HERC2: variants seen among roughly 807,000 people sequenced by gnomAD.
HERC2 encodes HECT and RLD domain containing E3 ubiquitin protein ligase 2, also known as E3 ubiquitin-protein ligase HERC2.
A neutral mutation model predicts 537.7 loss-of-function variants in HERC2; 102 were observed. That is an observed-to-expected ratio of 0.19 (90% CI 0.16 to 0.22). The LOEUF is 0.22. HERC2 is among the 10% of genes least tolerant of loss of function. HERC2 has a pLI of 1.00. For missense variants in HERC2, 4,236 were observed against 6,198.2 expected (o/e 0.68, Z 10.63); for synonymous variants, 2,224 against 2,466.2 (o/e 0.90, Z 2.91).
chr15:28,218,319 G>A lies in HERC2; in HGVS notation c.6028+170C>T, dbSNP rs59474042. On this transcript the variant is annotated intron_variant, in intron 38 of 92. Transcript: ENST00000261609. ...CACCCTTGATCTCAGCCTTCCAGCC[G>A]CCAGAACCGTGAGAATTTCTACTGT... is the stretch of plus-strand genomic sequence containing the variant. Among the ~76,000 whole-genome samples, 11,675 of 151,228 alleles carry A rather than the reference G, an allele frequency of 0.077. 1,560 individuals are homozygous for A. Among genetic ancestry groups the A allele is most frequent in the African/African-American group, 0.27 (11,145 of 40,644 alleles).
intron 30 of HERC2, among the ~76,000 whole-genome samples, chr15:28,232,908 C>A (rs980375375): frequency 6.6e-6 from 1 of 152,194 alleles, no homozygotes; most frequent in Non-Finnish European, 1.5e-5. Flanking sequence ...TTTTCAACAT[C>A]AATTTACTAG....
At chr15:28,200,374 G>C (rs1897785613) in intron 48 of HERC2, among the ~76,000 whole-genome samples, 1 of 151,926 alleles carries the variant, frequency 6.6e-6, no homozygotes, top group Non-Finnish European at 1.5e-5. Flanking sequence ...CAGCCTGGGT[G>C]ACAGAGCGAG....
chr15:28,280,370 G>A (rs1390296523), intron 4 of HERC2, 83 bp from the exon 5 acceptor site: 15 of 1,132,850 alleles, frequency 1.3e-5, no homozygotes, highest in African/African-American at 1.1e-4. Context: ...GGATGATGAC[G>A]ACAGGTAGTA....
At chr15:28,307,457 A>G (rs960152590) in intron 2 of HERC2, among the ~76,000 whole-genome samples, 4 of 152,168 alleles carry the variant, frequency 2.6e-5, no homozygotes, top group Non-Finnish European at 4.4e-5. Flanking sequence ...ATGTATCATT[A>G]GGTTATTTAT....
In HERC2 at chr15:28,228,257, C is replaced by A; in HGVS notation, c.5425G>T (p.Gly1809Cys). 1 of 1,613,676 alleles carries A rather than the reference C, an allele frequency of 6.2e-7. No homozygotes were observed. The highest frequency in any genetic ancestry group is 8.5e-7 in the Non-Finnish European group (1 of 1,179,872). Residue 1809 changes from glycine (G) to cysteine (C), a missense_variant, in exon 35 of 93, where the codon GGC becomes TGC. Around this residue, in one of 27 missense-constraint regions of HERC2, gnomAD observed 343 missense variants for 417.2 expected, o/e 0.82. Transcript: ENST00000261609. ...ANNLDLLLNS[G>C]MLALTQTALR... ...GCCGTCTGCGTGAGGGCCAGCATGC[C>A]GGAATTGAGCAGAAGGTCGAGGTTG... is the stretch of plus-strand genomic sequence containing the variant.
chr15:28,220,711 C>A, intron 36 of HERC2, 67 bp from the exon 37 acceptor site: 15 of 1,310,926 alleles, frequency 1.1e-5, no homozygotes, highest in Non-Finnish European at 1.6e-5. Context: ...CCATGGCTCC[C>A]AGCAGACCTC....
chr15:28,224,134 T>C (rs879628161), intron 35 of HERC2, among the ~76,000 whole-genome samples: 392 of 5,794 alleles, frequency 0.068, 2 homozygotes, highest in Non-Finnish European at 0.17. Flanking sequence ...TAAAAAATTA[T>C]ACACACACAC....
At position 28,114,445 on chromosome 15, in the gene HERC2, C is replaced by T. The variant is rs143247137; in HGVS notation, c.13913+167G>A. ...CCAGGAATGTCAGAGTAATAAATAC[C>T]GACCCTGATCACAAAATAAGCTTTA... On this transcript the variant is annotated intron_variant, in intron 90 of 92. Coordinates refer to ENST00000261609, the MANE Select transcript of HERC2 (RefSeq NM_004667.6). Among the ~76,000 whole-genome samples the T allele has an allele frequency of 2.2e-3, 328 of 152,182 alleles. 1 individual carries two copies. Among genetic ancestry groups the T allele is most frequent in the Non-Finnish European group, 2.9e-3 (199 of 68,002 alleles).
chr15:28,187,252 A>C (rs1277147926), intron 55 of HERC2, among the ~76,000 whole-genome samples: 2 of 152,212 alleles, frequency 1.3e-5, no homozygotes, highest in Non-Finnish European at 2.9e-5. Flanking sequence ...GATATGGATT[A>C]TCATTAAAAA....
rs759447062 is a variant in HERC2, at chr15:28,196,458, C to T, written c.8120+3G>A. The T allele has an allele frequency of 1.9e-6, 3 of 1,609,046 alleles. No individual in the cohort carries two copies. The highest frequency in any genetic ancestry group is 2.6e-6 in the Non-Finnish European group (3 of 1,176,128). On this transcript the variant is annotated splice_donor_region_variant and intron_variant, in intron 51 of 92. Transcript: ENST00000261609. ...AAATCTAGCAACCATAAAAATAACT[C>T]ACGTAACCCCAGGATGAATACTGGG...
chr15:28,229,377 G>A (rs761621771), intron 33 of HERC2, 31 bp from the exon 34 acceptor site: 3 of 1,613,196 alleles, frequency 1.9e-6, no homozygotes, highest in Non-Finnish European at 2.5e-6. Context: ...ATTTGACTTG[G>A]GACACTGCCA....
At chr15:28,204,616 C>CAAAAAAAA (rs55840834) in intron 45 of HERC2, among the ~76,000 whole-genome samples, 1 of 51,266 alleles carries the variant, frequency 2.0e-5, no homozygotes, top group African/African-American at 8.1e-5. Flanking sequence ...GAGACTCCGT[C>CAAAAAAAA]AAAAAAAAAA....
chr15:28,134,279 A>G (rs1890390661), intron 79 of HERC2, among the ~76,000 whole-genome samples: 1 of 152,238 alleles, frequency 6.6e-6, no homozygotes, highest in Admixed American at 6.5e-5. Flanking sequence ...ACGTATATGT[A>G]TACGTATAGA....
intron 65 of HERC2, among the ~76,000 whole-genome samples, chr15:28,171,758 T>A (rs1236658446): frequency 6.6e-6 from 1 of 152,016 alleles, no homozygotes; most frequent in Admixed American, 6.6e-5. Context: ...TTCTTAGAAA[T>A]AATCTAACAA....
intron 56 of HERC2, 119 bp downstream of exon 56, chr15:28,186,458 G>A (rs549451407): frequency 3.1e-5 from 21 of 686,842 alleles, no homozygotes; most frequent in African/African-American, 2.1e-4. Context: ...TTTACCAATC[G>A]TGTGGACATA....
At chr15:28,134,041 G>C (rs1596015374) in intron 79 of HERC2, among the ~76,000 whole-genome samples, 1 of 152,314 alleles carries the variant, frequency 6.6e-6, no homozygotes, top group East Asian at 1.9e-4. Context: ...GGAAGGTGTT[G>C]AATCTATAGA....
At chr15:28,158,155 AC>A (rs2142393456) in intron 69 of HERC2, among the ~76,000 whole-genome samples, 1 of 152,294 alleles carries the variant, frequency 6.6e-6, no homozygotes, top group South Asian at 2.1e-4. Flanking sequence ...TTTACTTCCA[AC>A]TATGTGGTCA....
chr15:28,276,814 G>A (rs893678524), intron 5 of HERC2, among the ~76,000 whole-genome samples: 2 of 152,094 alleles, frequency 1.3e-5, no homozygotes, highest in Non-Finnish European at 2.9e-5. Flanking sequence ...GACCCCTTTG[G>A]GAAAATGTTA....
Position 28,113,512 on chromosome 15 carries a change from G to T in HERC2, c.14019+61C>A. Reference sequence around the variant, plus strand: ...GGTTCTGACTCTAACTGCTGTCACTGATTTGTGGGTCAGCAGGCAAAAGGC... The same window carrying T: ...GGTTCTGACTCTAACTGCTGTCACTTATTTGTGGGTCAGCAGGCAAAAGGC... On this transcript the variant is annotated intron_variant, in intron 91 of 92. Coordinates refer to ENST00000261609, the MANE Select transcript of HERC2 (RefSeq NM_004667.6). The surrounding 1 kb of genome is among the most constrained non-coding windows in gnomAD (Gnocchi z 7.0). The T allele has an allele frequency of 7.1e-7, 1 of 1,411,418 alleles. No homozygotes were observed. The highest frequency in any genetic ancestry group is 1.0e-6 in the Non-Finnish European group (1 of 997,136). 87.4% of individuals were successfully genotyped at this position (1,411,418 alleles called of 1,614,324 possible).
Sources: gnomAD v4.1 joint callset for allele counts (sites outside exome capture counted in the v4.1 genomes callset) on GRCh38, gnomAD v4.1.1 for gene constraint, gnomAD v4.1.1 regional missense constraint, Gnocchi (gnomAD v3.1) non-coding constraint, MANE v1.5 for transcripts, NCBI Gene and HGNC (gene_info 2026-07-23, HGNC 2026-07-21) for gene names.